COLGALT1: variants seen among roughly 807,000 people sequenced by gnomAD.
COLGALT1 encodes procollagen galactosyltransferase 1.
In COLGALT1, 43 loss-of-function variants were observed where a neutral mutation model predicts 60.8. That is an observed-to-expected ratio of 0.71 (90% CI 0.55 to 0.91). The LOEUF is 0.91. Among genes scored for constraint, COLGALT1 ranks in the 40% least tolerant of loss-of-function variants. The probability of loss-of-function intolerance (pLI) is 0.00; values close to 1 mark genes in which losing one functional copy is unlikely to be tolerated. For synonymous variants in COLGALT1, 369 were observed against 374.2 expected (o/e 0.99, Z 0.16); for missense variants, 845 against 880.0 (o/e 0.96, Z 0.50).
rs189157189 is a variant in COLGALT1 at position 17,570,307 on chromosome 19, G to A, written c.829+1594G>A. The stretch of plus-strand genomic sequence containing the variant: ...CAGCCTGGAGTGCAGTGGTGTGATC[G>A]TAGCTCACTGCAGCCTCAACCTCCT... On this transcript the variant is annotated intron_variant, in intron 5 of 11. Transcript: ENST00000252599. Among the ~76,000 whole-genome samples, 834 of 151,972 alleles carry A rather than the reference G, an allele frequency of 5.5e-3. 6 individuals carry two copies. Among genetic ancestry groups the A allele is most frequent in the Non-Finnish European group, 1.0e-2 (679 of 67,954 alleles).
intron 2 of COLGALT1, among the ~76,000 whole-genome samples, chr19:17,559,981 G>A (rs958967883): frequency 2.0e-5 from 3 of 152,080 alleles, no homozygotes; most frequent in African/African-American, 7.2e-5. Flanking sequence ...GTAGAGATAG[G>A]GTCTCACTGT....
chr19:17,560,373 A>C lies in COLGALT1; in HGVS notation c.397A>C (p.Lys133Gln), dbSNP rs754452834. 1.9e-6 allele frequency: 3 copies of C among 1,613,958 alleles called. No individual in the cohort carries two copies. The highest frequency in any genetic ancestry group is 2.5e-6 in the Non-Finnish European group (3 of 1,180,022). ...PRSYPDEEGP[K>Q]HWSDSRYEHV... The stretch of plus-strand genomic sequence containing the variant: ...GTCCTACCCGGACGAGGAAGGCCCG[A>C]AACACTGGTCTGACTCACGCTACGA... Residue 133 changes from lysine (K) to glutamine (Q), a missense_variant, in exon 3 of 12, where the codon AAA becomes CAA. Lys to Gln is a moderately conservative substitution (Grantham distance 53). Transcript: ENST00000252599.
intron 3 of COLGALT1, among the ~76,000 whole-genome samples, chr19:17,562,192 CAAA>C (rs931330817): frequency 6.6e-6 from 1 of 151,602 alleles, no homozygotes; most frequent in South Asian, 2.1e-4. Context: ...AACAAACAAA[CAAA>C]AAGCAGAAAA....
At chr19:17,571,039 A>G (rs975091698) in intron 5 of COLGALT1, among the ~76,000 whole-genome samples, 1 of 152,202 alleles carries the variant, frequency 6.6e-6, no homozygotes, top group African/African-American at 2.4e-5. Context: ...CCACAGGCAG[A>G]ACAGAGTCAT....
intron 2 of COLGALT1, among the ~76,000 whole-genome samples, chr19:17,559,960 T>C (rs2144816155): frequency 6.6e-6 from 1 of 152,224 alleles, no homozygotes; most frequent in East Asian, 1.9e-4. Context: ...GCTAATGTTT[T>C]TGTATTTTTT....
At chr19:17,558,778 C>T (rs531788251) in intron 1 of COLGALT1, among the ~76,000 whole-genome samples, 26 of 152,234 alleles carry the variant, frequency 1.7e-4, no homozygotes, top group Non-Finnish European at 2.9e-4. Context: ...ATGGGTCTTT[C>T]CAAAATCAGC....
At chr19:17,565,104 A>G (rs1281185189) in intron 3 of COLGALT1, among the ~76,000 whole-genome samples, 1 of 151,372 alleles carries the variant, frequency 6.6e-6, no homozygotes, top group Non-Finnish European at 1.5e-5. Flanking sequence ...CGTTATGTTG[A>G]TCTCCTCATC....
intron 4 of COLGALT1, among the ~76,000 whole-genome samples, chr19:17,568,019 G>A (rs1031285452): frequency 2.6e-5 from 4 of 152,112 alleles, no homozygotes; most frequent in African/African-American, 9.7e-5. Flanking sequence ...CAGGAGGGAA[G>A]AATAGAGGGT....
intron 9 of COLGALT1, among the ~76,000 whole-genome samples, chr19:17,578,599 C>G (rs2076359529): frequency 6.6e-6 from 1 of 152,158 alleles, no homozygotes; most frequent in South Asian, 2.1e-4. Flanking sequence ...CCTGTGGTCC[C>G]AACTATTTGG....
rs563277874 is a variant in COLGALT1 at position 17,555,899 on chromosome 19, C to G, written c.186C>G (p.Asn62Lys). The change falls in exon 1 of 12, where the codon AAC becomes AAG. Residue 62 changes from asparagine (N) to lysine (K), a missense_variant. Physicochemically the swap from Asn to Lys is moderately conservative, Grantham distance 94. Transcript: ENST00000252599. Reference sequence around the variant, plus strand: ...TGCTCATCGCGCTGTTGGCGCGAAACGCGGCCCACGCGTTGCCCACCACGC... The same window carrying G: ...TGCTCATCGCGCTGTTGGCGCGAAAGGCGGCCCACGCGTTGCCCACCACGC... ...PRVLIALLAR[N>K]AAHALPTTLG... is the part of the protein sequence containing the mutation. The G allele has an allele frequency of 4.3e-6, 6 of 1,393,412 alleles. No homozygotes were observed. The highest frequency in any genetic ancestry group is 4.7e-6 in the Non-Finnish European group (5 of 1,072,542). The allele number at this position is 1,393,412 out of a possible 1,614,324, so 86.3% of individuals were successfully genotyped here.
At chr19:17,579,372 T>G in intron 9 of COLGALT1, 110 bp from the exon 10 acceptor site, 1 of 1,419,290 alleles carries the variant, frequency 7.0e-7, no homozygotes, top group South Asian at 1.2e-5. Context: ...GGCAGGGAGA[T>G]GCACTGGCTT....
chr19:17,560,156 C>T (rs556642934), intron 2 of COLGALT1, among the ~76,000 whole-genome samples, 192 bp from the exon 3 acceptor site: 3 of 152,250 alleles, frequency 2.0e-5, no homozygotes, highest in Non-Finnish European at 4.4e-5. Flanking sequence ...GGCCTTTGCA[C>T]AGGCTGTACC....
chr19:17,579,652 C>T (rs1375953343), intron 10 of COLGALT1, 43 bp downstream of exon 10: 1 of 798,828 alleles, frequency 1.3e-6, no homozygotes, highest in Non-Finnish European at 1.7e-6. Flanking sequence ...GGGCCTGGGG[C>T]AAGGCCAGGA....
chr19:17,555,806 G>T lies in COLGALT1; in HGVS notation c.93G>T (p.Pro31=). 2 of 1,255,578 alleles carry T rather than the reference G, an allele frequency of 1.6e-6. No individual in the cohort carries two copies. The highest frequency in any genetic ancestry group is 2.9e-5 in the South Asian group (1 of 34,488). The allele number at this position is 1,255,578 out of a possible 1,614,324, so 77.8% of individuals were successfully genotyped here. Residue 31 remains proline, a synonymous_variant, in exon 1 of 12, where the codon CCG becomes CCT. Coordinates refer to ENST00000252599, the MANE Select transcript of COLGALT1 (RefSeq NM_024656.4). ...TGGCGCCACTGCCGCCGGGGGCCCC[G>T]CCGGGCGCCGACGCCTACTTCCCCG... ...LLLAPLPPGA[P]PGADAYFPEE...
intron 2 of COLGALT1, among the ~76,000 whole-genome samples, chr19:17,560,064 G>A (rs371738195): frequency 2.6e-5 from 4 of 152,210 alleles, no homozygotes; most frequent in Admixed American, 2.0e-4. Context: ...TGCTGGGATC[G>A]CAGGCGTGGG....
intron 2 of COLGALT1, 34 bp downstream of exon 2, chr19:17,559,455 G>T: frequency 3.3e-6 from 5 of 1,505,034 alleles, no homozygotes; most frequent in Non-Finnish European, 2.7e-6. Flanking sequence ...AGTCTGATTG[G>T]GCTTTGCCTC....
intron 3 of COLGALT1, among the ~76,000 whole-genome samples, chr19:17,560,726 T>G (rs1339736595): frequency 6.6e-6 from 1 of 151,932 alleles, no homozygotes; most frequent in Non-Finnish European, 1.5e-5. Flanking sequence ...TTGGGTCAAG[T>G]CCATTTTTAT....
intron 1 of COLGALT1, chr19:17,556,552 G>C (rs1449398551): frequency 1.3e-5 from 13 of 985,158 alleles, no homozygotes; most frequent in Non-Finnish European, 1.4e-5. Flanking sequence ...TCTTGGTAGG[G>C]AATGGGGCAG....
In COLGALT1 at chr19:17,575,848, C is replaced by G. The variant is rs75632539; in HGVS notation, c.950-1347C>G. On this transcript the variant is annotated intron_variant, in intron 6 of 11. Transcript: ENST00000252599. ...GCACACAAGCCATGTGGATTAGGGC[C>G]CACCCTAATGACCTCATTTTAACTC... is the stretch of plus-strand genomic sequence containing the variant. 6.8e-4 allele frequency among the ~76,000 whole-genome samples: 103 copies of G among 152,198 alleles called. No individual in the cohort carries two copies. In the East Asian group the frequency reaches 0.019, roughly 29 times the overall value.
Sources: gnomAD v4.1 joint callset for allele counts (sites outside exome capture counted in the v4.1 genomes callset) on GRCh38, gnomAD v4.1.1 for gene constraint, MANE v1.5 for transcripts, NCBI Gene and HGNC (gene_info 2026-07-23, HGNC 2026-07-21) for gene names.